ADCK1: variants seen among roughly 807,000 people sequenced by gnomAD.
ADCK1 encodes the protein aarF domain-containing protein kinase 1.
ADCK1 carries 41 observed loss-of-function variants against 52.3 expected under a neutral mutation model. That is an observed-to-expected ratio of 0.78 (90% CI 0.61 to 1.02). The LOEUF (loss-of-function observed/expected upper bound fraction) is 1.02, where lower values mean the gene tolerates loss of function less well. ADCK1 is among the 50% of genes least tolerant of loss of function. The pLI is 0.00. For synonymous variants in ADCK1, 250 were observed against 274.6 expected, an observed-to-expected ratio of 0.91 and a Z score of 0.89; for missense variants, 658 against 679.5, an observed-to-expected ratio of 0.97 and a Z score of 0.35.
chr14:77,889,949 A>G (rs2083249012), intron 5 of ADCK1, among the ~76,000 whole-genome samples: 2 of 152,156 alleles, frequency 1.3e-5, no homozygotes, highest in African/African-American at 4.8e-5. Context: ...TGTGCAAAAC[A>G]TTGGGGGGTG....
At chr14:77,893,737 C>CTTCCTTCCTTCCTTCCTTTCT (rs35559156) in intron 5 of ADCK1, among the ~76,000 whole-genome samples, 1 of 50,354 alleles carries the variant, frequency 2.0e-5, no homozygotes, top group African/African-American at 8.1e-5. Context: ...TCCTTCCTTC[C>CTTCCTTCCTTCCTTCCTTTCT]TTTTTTTTTT....
intron 3 of ADCK1, among the ~76,000 whole-genome samples, chr14:77,823,168 T>C: frequency 6.6e-6 from 1 of 151,976 alleles, no homozygotes; most frequent in East Asian, 1.9e-4. Flanking sequence ...ACTTGGGAGA[T>C]CAAACAAGAG....
At chr14:77,841,690 AAAAAAATT>A (rs202023315) in intron 3 of ADCK1, among the ~76,000 whole-genome samples, 23,365 of 142,008 alleles carry the variant, frequency 0.16, 2,172 homozygotes, top group African/African-American at 0.24. Flanking sequence ...AAAAAAAAAA[AAAAAAATT>A]AGCCAGGCGT....
intron 1 of ADCK1, among the ~76,000 whole-genome samples, chr14:77,807,067 C>CT (rs36088814): frequency 0.91 from 75,320 of 83,058 alleles, 34,784 homozygotes; most frequent in Middle Eastern, 0.98. Context: ...GAGACAGAGT[C>CT]TTTTTTTTTT....
intron 4 of ADCK1, among the ~76,000 whole-genome samples, chr14:77,864,665 G>GTGTTTGTGCATGCA (rs1415815355): frequency 9.5e-5 from 14 of 147,206 alleles, no homozygotes; most frequent in Admixed American, 7.7e-4. Context: ...GTGTGTATGT[G>GTGTTTGTGCATGCA]TGTTTGTGCA....
At position 77,897,713 on chromosome 14, in the gene ADCK1, C is replaced by T. The variant is rs537173703; in HGVS notation, c.583-1387C>T. 3.1e-4 allele frequency among the ~76,000 whole-genome samples: 47 copies of T among 152,200 alleles called. No individual in the cohort carries two copies. In the South Asian group the frequency reaches 4.2e-3, roughly 13 times the overall value. ...GTTTTTTATTATGAAACATTTTAGA[C>T]GTACAGAAAGTATAGAAAATAGTAT... On this transcript the variant is annotated intron_variant, in intron 5 of 10. Coordinates refer to ENST00000238561, the MANE Select transcript of ADCK1 (RefSeq NM_020421.4).
At chr14:77,886,954 C>T in intron 4 of ADCK1, 137 bp from the exon 5 acceptor site, 1 of 960,318 alleles carries the variant, frequency 1.0e-6, no homozygotes, top group Non-Finnish European at 1.5e-6. Context: ...ACAACACACA[C>T]ACACACTCTC....
At chr14:77,829,830 A>G (rs11159292) in intron 3 of ADCK1, among the ~76,000 whole-genome samples, 6,656 of 151,340 alleles carry the variant, frequency 0.044, 401 homozygotes, top group African/African-American at 0.11. Flanking sequence ...TGAATGAGTT[A>G]AGTTGGTATG....
At chr14:77,880,916 G>A (rs772304575) in intron 4 of ADCK1, among the ~76,000 whole-genome samples, 6 of 152,190 alleles carry the variant, frequency 3.9e-5, no homozygotes, top group Non-Finnish European at 7.3e-5. Context: ...CTTAGGCTAA[G>A]GAATAGCAAA....
At chr14:77,806,545 C>T (rs1353586282) in intron 1 of ADCK1, among the ~76,000 whole-genome samples, 3 of 152,154 alleles carry the variant, frequency 2.0e-5, no homozygotes, top group African/African-American at 7.2e-5. Context: ...AATCCAAGGG[C>T]TTTGGTCATG....
rs1169152480 is a variant in ADCK1, at chr14:77,869,214, T to C, written c.423+9935T>C. Among the ~76,000 whole-genome samples the C allele has an allele frequency of 3.3e-5, 5 of 152,180 alleles. 1 individual carries two copies. The East Asian group carries it at 7.7e-4, about 23-fold the overall frequency. On this transcript the variant is annotated intron_variant, in intron 4 of 10. Coordinates refer to ENST00000238561, the MANE Select transcript of ADCK1 (RefSeq NM_020421.4). ...CCTCTGGCTTAAACAACAAATGTAT[T>C]GTCTCACAGTTCTGGAGGCCAGAGG...
At chr14:77,886,960 C>G in intron 4 of ADCK1, 131 bp from the exon 5 acceptor site, 6 of 930,892 alleles carry the variant, frequency 6.4e-6, no homozygotes, top group Non-Finnish European at 9.2e-6. Flanking sequence ...CACACACACA[C>G]TCTCTCTCTC....
intron 1 of ADCK1, among the ~76,000 whole-genome samples, chr14:77,816,346 C>G (rs77549084): frequency 0.042 from 6,429 of 152,226 alleles, 252 homozygotes; most frequent in East Asian, 0.17. Flanking sequence ...CAGGGCCAGG[C>G]CTTAGGAATC....
intron 1 of ADCK1, among the ~76,000 whole-genome samples, chr14:77,816,143 T>C (rs2081445153): frequency 6.6e-6 from 1 of 152,160 alleles, no homozygotes; most frequent in Non-Finnish European, 1.5e-5. Flanking sequence ...TCCAGGCTAA[T>C]ATTTTTTCAG....
At chr14:77,929,771 G>A (rs550698503) in intron 9 of ADCK1, among the ~76,000 whole-genome samples, 3 of 152,166 alleles carry the variant, frequency 2.0e-5, no homozygotes, top group African/African-American at 7.2e-5. Context: ...GGTTCAAGTG[G>A]TTCTCCTGCC....
intron 4 of ADCK1, among the ~76,000 whole-genome samples, chr14:77,872,173 G>C (rs2082793491): frequency 1.3e-5 from 2 of 152,184 alleles, no homozygotes; most frequent in South Asian, 4.1e-4. Context: ...CCTCACAACA[G>C]CTCAGAGAGA....
chr14:77,822,715 G>C (rs2081609405), intron 3 of ADCK1, among the ~76,000 whole-genome samples, 197 bp downstream of exon 3: 1 of 152,306 alleles, frequency 6.6e-6, no homozygotes, highest in African/African-American at 2.4e-5. Flanking sequence ...CTGGAATTGG[G>C]CAGAGGGCAG....
intron 4 of ADCK1, among the ~76,000 whole-genome samples, chr14:77,880,046 G>A (rs1439070600): frequency 6.6e-6 from 1 of 152,210 alleles, no homozygotes; most frequent in African/African-American, 2.4e-5. Context: ...AGCCTGCACT[G>A]GAATCACCAA....
At chr14:77,821,511 G>A (rs545757991) in intron 2 of ADCK1, among the ~76,000 whole-genome samples, 1 of 152,114 alleles carries the variant, frequency 6.6e-6, no homozygotes, top group East Asian at 1.9e-4. Flanking sequence ...AATCCCTAAG[G>A]CCCTTCCATG....
Sources: allele counts gnomAD v4.1 joint callset (sites outside exome capture counted in the v4.1 genomes callset), GRCh38; gene constraint gnomAD v4.1.1; transcripts MANE v1.5; gene names NCBI Gene and HGNC (gene_info 2026-07-23, HGNC 2026-07-21).